The following CPD variants were observed in gnomAD, a reference collection of about 807,000 sequenced individuals.
CPD encodes the protein carboxypeptidase D.
A neutral mutation model predicts 138.3 loss-of-function variants in CPD; 69 were observed. That is an observed-to-expected ratio of 0.50 (90% CI 0.41 to 0.61). CPD has a LOEUF of 0.61. Ranked by LOEUF, CPD falls within the 20% of genes least tolerant of loss-of-function variation. The pLI is 0.00. For missense variants in CPD, 1,432 were observed against 1,733.3 expected (o/e 0.83, Z 3.09); for synonymous variants, 651 against 642.1 (o/e 1.01, Z -0.21).
intron 11 of CPD, among the ~76,000 whole-genome samples, chr17:30,444,511 AGTAACTTTTTTTTTTTTTT>A (rs2143473002): frequency 6.8e-6 from 1 of 147,650 alleles, no homozygotes; most frequent in East Asian, 2.1e-4. Context: ...TTAACATGCT[AGTAACTTTTTTTTTTTTTT>A]TTTTTTTTTT....
intron 2 of CPD, among the ~76,000 whole-genome samples, chr17:30,414,472 A>G (rs1004616482): frequency 1.3e-5 from 2 of 151,974 alleles, no homozygotes; most frequent in Non-Finnish European, 2.9e-5. Flanking sequence ...AGTCCCAGCT[A>G]CTCGGGAAGC....
chr17:30,461,343 TC>T, intron 18 of CPD, 32 bp downstream of exon 18: 1 of 1,513,614 alleles, frequency 6.6e-7, no homozygotes, highest in South Asian at 1.4e-5. Flanking sequence ...AGAGGCAAAC[TC>T]CCAGGAATAT....
intron 2 of CPD, 118 bp from the exon 3 acceptor site, chr17:30,420,723 T>G: frequency 1.1e-6 from 1 of 890,394 alleles, no homozygotes. Context: ...TTTCAAACAA[T>G]TTAATGAAAA....
At chr17:30,447,902 G>T (rs1913071320) in intron 12 of CPD, among the ~76,000 whole-genome samples, 1 of 152,192 alleles carries the variant, frequency 6.6e-6, no homozygotes, top group Admixed American at 6.5e-5. Context: ...TGGTTTGCCT[G>T]TTGTAGTTAA....
At chr17:30,431,230 CT>C (rs954695294) in intron 7 of CPD, among the ~76,000 whole-genome samples, 1 of 152,184 alleles carries the variant, frequency 6.6e-6, no homozygotes, top group Non-Finnish European at 1.5e-5. Flanking sequence ...TGCCGAGGAT[CT>C]TTTCATGAGC....
chr17:30,439,133 G>C (rs2143457963), intron 9 of CPD, 56 bp downstream of exon 9: 2 of 923,892 alleles, frequency 2.2e-6, no homozygotes, highest in East Asian at 5.3e-5. Context: ...TGCTTTCCTA[G>C]ATGGTGCTTC....
intron 2 of CPD, 94 bp from the exon 3 acceptor site, chr17:30,420,747 A>G (rs1403769034): frequency 4.2e-5 from 48 of 1,144,692 alleles, no homozygotes; most frequent in Non-Finnish European, 5.5e-5. Context: ...AAGAAAATTT[A>G]TACATCCAGA....
In CPD at chr17:30,422,686, G is replaced by T; in HGVS notation, c.1320G>T (p.Leu440Phe). The change falls in exon 5 of 21, where the codon TTG (leucine) becomes TTT (phenylalanine). Residue 440 changes from leucine to phenylalanine, a missense_variant. Physicochemically the swap from Leu to Phe is conservative, Grantham distance 22. Coordinates refer to ENST00000225719, the MANE Select transcript of CPD (RefSeq NM_001304.5). ...ATTTTTTTTTCAGGTATATGCCATT[G>T]ACTGTTACTAATGTAGTGGTGAAAG... The part of the protein sequence containing the change: ...LTVVLTGYMP[L>F]TVTNVVVKEG... The T allele has an allele frequency of 6.2e-7, 1 of 1,607,250 alleles. No individual in the cohort carries two copies. The highest frequency in any genetic ancestry group is 1.1e-5 in the South Asian group (1 of 90,054).
At chr17:30,419,528 A>T (rs994553997) in intron 2 of CPD, among the ~76,000 whole-genome samples, 1 of 152,150 alleles carries the variant, frequency 6.6e-6, no homozygotes, top group African/African-American at 2.4e-5. Flanking sequence ...TTTAGTAGAG[A>T]CAGGGTTTCA....
At chr17:30,401,251 CTCCTTCTCCTTCTCCTCCTCCTTCT>C (rs1216563882) in intron 2 of CPD, among the ~76,000 whole-genome samples, 2 of 49,498 alleles carry the variant, frequency 4.0e-5, no homozygotes, top group Non-Finnish European at 9.8e-5. Flanking sequence ...GCTGCTTCTT[CTCCTTCTCCTTCTCCTCCTCCTTCT>C]TCCTTCTCCT....
rs770837719 is a variant in CPD at position 30,431,792 on chromosome 17, C to G, written c.2038C>G (p.Pro680Ala). ...LHGGSLVVNY[P>A]FDDDEQGLAT... ...TATAGGTTCTTTGGTGGTTAACTAC[C>G]CTTTTGATGATGATGAACAAGGACT... is the stretch of plus-strand genomic sequence containing the variant. Residue 680 changes from proline to alanine, a missense_variant, in exon 8 of 21, where the codon CCT becomes GCT. Pro to Ala is a conservative substitution (Grantham distance 27). Coordinates refer to ENST00000225719, the MANE Select transcript of CPD (RefSeq NM_001304.5). The G allele has an allele frequency of 6.2e-7, 1 of 1,611,852 alleles. No homozygotes were observed. Among genetic ancestry groups the G allele is most frequent in the South Asian group, 1.1e-5 (1 of 90,768 alleles).
intron 3 of CPD, 58 bp from the exon 4 acceptor site, chr17:30,421,606 T>G: frequency 6.7e-7 from 1 of 1,500,832 alleles, no homozygotes; most frequent in Non-Finnish European, 9.2e-7. Flanking sequence ...CAGAGAGAAA[T>G]TATGCGCTCT....
At chr17:30,410,672 A>G (rs1911939752) in intron 2 of CPD, among the ~76,000 whole-genome samples, 1 of 152,118 alleles carries the variant, frequency 6.6e-6, no homozygotes, top group Non-Finnish European at 1.5e-5. Context: ...AGAGACTAGG[A>G]TTGCAACCCA....
At chr17:30,390,213 T>C (rs767978447) in intron 2 of CPD, among the ~76,000 whole-genome samples, 1 of 152,046 alleles carries the variant, frequency 6.6e-6, no homozygotes, top group Non-Finnish European at 1.5e-5. Flanking sequence ...GACAGGGTTT[T>C]ACCATGTTGA....
At chr17:30,380,656 C>T (rs1364262535) in intron 1 of CPD, 2 of 1,493,706 alleles carry the variant, frequency 1.3e-6, no homozygotes, top group Non-Finnish European at 1.8e-6. Context: ...TGTTGGTGTA[C>T]CCAGTTAAAC....
rs747244832 is a variant in CPD at position 30,461,939 on chromosome 17, C to T, written c.3693C>T (p.Val1231=). ...CTGGAAAGCCAATCTCTAAAGCAGT[C>T]ATTGTACTTAATGAAGGAATAAAGG... ...DKTGKPISKA[V]IVLNEGIKVQ... The change falls in exon 19 of 21, where the codon GTC becomes GTT. Residue 1231 remains valine (V), a synonymous_variant. Coordinates refer to ENST00000225719, the MANE Select transcript of CPD (RefSeq NM_001304.5). 1.6e-5 allele frequency: 26 copies of T among 1,613,438 alleles called. No homozygotes were observed. In the Admixed American group the frequency reaches 3.3e-4, roughly 21 times the overall value.
At chr17:30,410,766 G>A (rs186700107) in intron 2 of CPD, among the ~76,000 whole-genome samples, 2 of 152,214 alleles carry the variant, frequency 1.3e-5, no homozygotes, top group East Asian at 3.9e-4. Flanking sequence ...CACATGAGAT[G>A]GGTTTCCTGA....
At chr17:30,409,324 T>C (rs1911894763) in intron 2 of CPD, among the ~76,000 whole-genome samples, 1 of 151,882 alleles carries the variant, frequency 6.6e-6, no homozygotes, top group Non-Finnish European at 1.5e-5. Context: ...TTCTCTTTTT[T>C]TGTTGTGTCT....
chr17:30,383,794 C>T (rs1474176065), intron 1 of CPD, among the ~76,000 whole-genome samples: 1 of 151,192 alleles, frequency 6.6e-6, no homozygotes, highest in Non-Finnish European at 1.5e-5. Flanking sequence ...TTCTGTAGGT[C>T]AGTTAATTTC....
Sources: gnomAD v4.1 joint callset for allele counts (sites outside exome capture counted in the v4.1 genomes callset) on GRCh38, gnomAD v4.1.1 for gene constraint, MANE v1.5 for transcripts, NCBI Gene and HGNC (gene_info 2026-07-23, HGNC 2026-07-21) for gene names.